CEMIP: variants seen among roughly 807,000 people sequenced by gnomAD.
CEMIP encodes cell migration inducing hyaluronidase 1, also known as cell migration-inducing and hyaluronan-binding protein.
CEMIP carries 105 observed loss-of-function variants against 156.9 expected under a neutral mutation model. That is an observed-to-expected ratio of 0.67 (90% CI 0.57 to 0.79). The LOEUF is 0.79. CEMIP is among the 30% of genes least tolerant of loss of function. The pLI is 0.00. For missense variants in CEMIP, 1,457 were observed against 1,769.4 expected, an observed-to-expected ratio of 0.82 and a Z score of 3.17; for synonymous variants, 676 against 668.4, an observed-to-expected ratio of 1.01 and a Z score of -0.17.
intron 1 of CEMIP, among the ~76,000 whole-genome samples, chr15:80,788,022 A>G (rs1895983318): frequency 6.6e-6 from 1 of 151,992 alleles, no homozygotes; most frequent in Admixed American, 6.6e-5. Flanking sequence ...AAGCCCCCTA[A>G]AGGCTCGCCT....
chr15:80,852,466 A>G (rs954047782), intron 1 of CEMIP, among the ~76,000 whole-genome samples: 7 of 152,162 alleles, frequency 4.6e-5, no homozygotes, highest in African/African-American at 1.7e-4. Flanking sequence ...GGTTGGTGCA[A>G]AAGTAATTGC....
In CEMIP at chr15:80,906,602, C is replaced by G; in HGVS notation, c.1412-61C>G. 6.5e-7 allele frequency: 1 copy of G among 1,547,116 alleles called. No individual in the cohort carries two copies. The highest frequency in any genetic ancestry group is 8.8e-7 in the Non-Finnish European group (1 of 1,134,844). On this transcript the variant is annotated intron_variant, in intron 12 of 29. Transcript: ENST00000394685. The surrounding 1 kb of genome is among the most constrained non-coding windows in gnomAD (Gnocchi z 4.3). The stretch of plus-strand genomic sequence containing the variant: ...CAGCCATGGAGGCACCTGGCAGGGG[C>G]CCAGAACTCAGTGGGCATGCAGTAC...
Position 80,889,726 on chromosome 15 carries a change from A to G in CEMIP, c.1086+134A>G. On this transcript the variant is annotated intron_variant, in intron 10 of 29. Coordinates refer to ENST00000394685, the MANE Select transcript of CEMIP (RefSeq NM_001293298.2). ...CTGTGAGGTAGGTCAGCCAAAGAGT[A>G]CCATTCCCACTTTAGAGACTGAAGC... is the stretch of plus-strand genomic sequence containing the variant. 4.5e-6 allele frequency: 5 copies of G among 1,108,816 alleles called. No individual in the cohort carries two copies. In the Admixed American group the frequency reaches 7.4e-5, roughly 16 times the overall value. The allele number at this position is 1,108,816 out of a possible 1,614,324, so 68.7% of individuals were successfully genotyped here. A position where few individuals can be genotyped will look rare whatever the true frequency, so the allele number is the denominator to read the frequency against.
chr15:80,787,073 A>G (rs1474623339), intron 1 of CEMIP, among the ~76,000 whole-genome samples: 3 of 152,132 alleles, frequency 2.0e-5, no homozygotes, highest in South Asian at 2.1e-4. Flanking sequence ...GGTGGCTCCA[A>G]TTTTTAGCTG....
At chr15:80,864,307 TGCATAAA>T (rs1898063888) in intron 1 of CEMIP, among the ~76,000 whole-genome samples, 2 of 152,246 alleles carry the variant, frequency 1.3e-5, no homozygotes, top group Non-Finnish European at 2.9e-5. Flanking sequence ...GTGAGTTTCC[TGCATAAA>T]GCCCTCTGTG....
intron 9 of CEMIP, 126 bp downstream of exon 9, chr15:80,888,922 T>G: frequency 1.1e-6 from 1 of 897,206 alleles, no homozygotes. Context: ...CAGAATCAAC[T>G]AAAAATGTGC....
At chr15:80,784,923 G>A (rs576057769) in intron 1 of CEMIP, among the ~76,000 whole-genome samples, 6 of 152,194 alleles carry the variant, frequency 3.9e-5, no homozygotes, top group East Asian at 1.9e-4. Flanking sequence ...GTCAGTTCCC[G>A]TTGTCCGAGT....
At chr15:80,812,303 T>C (rs1896690817) in intron 1 of CEMIP, among the ~76,000 whole-genome samples, 1 of 152,232 alleles carries the variant, frequency 6.6e-6, no homozygotes, top group Non-Finnish European at 1.5e-5. Flanking sequence ...TGCTTTCATC[T>C]TCATGTCCAT....
At chr15:80,817,602 A>AAATAATAATAATAAT (rs59356064) in intron 1 of CEMIP, among the ~76,000 whole-genome samples, 78 of 138,754 alleles carry the variant, frequency 5.6e-4, no homozygotes, top group Non-Finnish European at 7.7e-4. Flanking sequence ...CCCTGTCTCA[A>AAATAATAATAATAAT]AATAATAATA....
At chr15:80,788,859 C>A (rs1374763570) in intron 1 of CEMIP, among the ~76,000 whole-genome samples, 1 of 151,560 alleles carries the variant, frequency 6.6e-6, no homozygotes, top group Non-Finnish European at 1.5e-5. Context: ...GACTCTAAAG[C>A]TTTATATTAG....
intron 29 of CEMIP, 33 bp from the exon 30 acceptor site, chr15:80,948,764 C>A (rs1901680640): frequency 6.2e-7 from 1 of 1,613,866 alleles, no homozygotes. Flanking sequence ...TCTCATAGGG[C>A]TTTTGCTCAG....
In CEMIP at chr15:80,879,974, C is replaced by T. The variant is rs145941806; in HGVS notation, c.380+120C>T. 9.8e-6 allele frequency: 11 copies of T among 1,122,840 alleles called. No individual in the cohort carries two copies. The African/African-American group carries it at 1.7e-4, about 17-fold the overall frequency. The allele number at this position is 1,122,840 out of a possible 1,614,324, so 69.6% of individuals were successfully genotyped here. A position where few individuals can be genotyped will look rare whatever the true frequency, so the allele number is the denominator to read the frequency against. On this transcript the variant is annotated intron_variant, in intron 5 of 29. Transcript: ENST00000394685. ...CCTGTAAGATAGGAATCATTCTGTC[C>T]TGCCAGATGGGGATCATGAACAAGA...
chr15:80,913,761 C>T (rs1239424332), intron 14 of CEMIP, among the ~76,000 whole-genome samples: 2 of 152,188 alleles, frequency 1.3e-5, no homozygotes, highest in Non-Finnish European at 2.9e-5. Context: ...TCCAAACAAA[C>T]AAAAAGACAC....
chr15:80,845,593 GTCT>G (rs966563772), intron 1 of CEMIP, among the ~76,000 whole-genome samples: 1 of 152,130 alleles, frequency 6.6e-6, no homozygotes, highest in African/African-American at 2.4e-5. Flanking sequence ...TGGTTTTCTG[GTCT>G]TCTTCTCTGG....
chr15:80,879,886 A>C (rs766782910), intron 5 of CEMIP, 32 bp downstream of exon 5: 2 of 1,613,356 alleles, frequency 1.2e-6, no homozygotes, highest in Non-Finnish European at 8.5e-7. Context: ...ATCAAATGCT[A>C]CCCATGGATC....
At chr15:80,872,172 G>T (rs776642592) in intron 1 of CEMIP, among the ~76,000 whole-genome samples, 21 of 152,218 alleles carry the variant, frequency 1.4e-4, no homozygotes, top group Non-Finnish European at 2.6e-4. Flanking sequence ...TCGCTAAGCT[G>T]GTTCAAAGGG....
intron 21 of CEMIP, among the ~76,000 whole-genome samples, chr15:80,930,126 A>G (rs1196451313): frequency 1.3e-5 from 2 of 152,256 alleles, no homozygotes; most frequent in East Asian, 3.8e-4. Context: ...CTAGGAAGAT[A>G]TAATTTCTAC....
intron 19 of CEMIP, among the ~76,000 whole-genome samples, chr15:80,927,129 G>A (rs1044852553): frequency 3.3e-5 from 5 of 152,192 alleles, no homozygotes; most frequent in Admixed American, 1.3e-4. Context: ...GTGCCCAGCC[G>A]CAGGGCCTTC....
intron 1 of CEMIP, among the ~76,000 whole-genome samples, chr15:80,802,568 A>G (rs2141605749): frequency 6.6e-6 from 1 of 152,268 alleles, no homozygotes; most frequent in South Asian, 2.1e-4. Flanking sequence ...AATAATGACC[A>G]TGGGGCGTGG....
Sources: gnomAD v4.1 joint callset for allele counts (sites outside exome capture counted in the v4.1 genomes callset) on GRCh38, gnomAD v4.1.1 for gene constraint, Gnocchi (gnomAD v3.1) non-coding constraint, MANE v1.5 for transcripts, NCBI Gene and HGNC (gene_info 2026-07-23, HGNC 2026-07-21) for gene names.